DOCK3: variants seen among roughly 807,000 people sequenced by gnomAD.
DOCK3 encodes the protein dedicator of cytokinesis protein 3.
A neutral mutation model predicts 265.6 loss-of-function variants in DOCK3; 60 were observed. The observed-to-expected ratio is 0.23, with a 90% CI of 0.18 to 0.28. The LOEUF (loss-of-function observed/expected upper bound fraction) is 0.28, where lower values mean the gene tolerates loss of function less well. Ranked by LOEUF, DOCK3 falls within the 10% of genes least tolerant of loss-of-function variation. The pLI, the probability that DOCK3 is intolerant of heterozygous loss-of-function variation, is 1.00. For synonymous variants in DOCK3, 881 were observed against 938.0 expected (o/e 0.94, Z 1.11); for missense variants, 1,981 against 2,594.3 (o/e 0.76, Z 5.14).
chr3:51,381,542 G>A lies in DOCK3; in HGVS notation c.6076G>A (p.Gly2026Ser), dbSNP rs372701055. The stretch of plus-strand genomic sequence containing the variant: ...GCAGGCCCGCATGGCCTGGGAGCAC[G>A]GCCGAGGGGAGCAGTGAGGGGCAAC... ...EEQARMAWEHGRGEQ is the reference protein window; with the variant it reads ...EEQARMAWEHSRGEQ Residue 2026 changes from glycine to serine, a missense_variant, in exon 53 of 53, where the codon GGC becomes AGC. This residue lies in a region of DOCK3 where 149 missense variants were observed against 144.7 expected (regional missense o/e 1.03). Coordinates refer to ENST00000266037, the MANE Select transcript of DOCK3 (RefSeq NM_004947.5). This position sits in a 1 kb window ranked among gnomAD's most constrained non-coding sequence, Gnocchi z 5.6. 4.0e-5 allele frequency: 61 copies of A among 1,538,618 alleles called. No homozygotes were observed. The highest frequency in any genetic ancestry group is 2.2e-4 in the Middle Eastern group (1 of 4,540).
chr3:51,227,377 T>C lies in DOCK3; in HGVS notation c.1472T>C (p.Ile491Thr). 6.2e-7 allele frequency: 1 copy of C among 1,613,986 alleles called. No homozygotes were observed. ...AATAGTCCTCGCTGGGGAGAAATTA[T>C]CAAATTGCCTATCCCCATTGACCGG... ...HSNSPRWGEI[I>T]KLPIPIDRFR... The change falls in exon 16 of 53, where the codon ATC becomes ACC. Residue 491 changes from isoleucine (I) to threonine (T), a missense_variant. Physicochemically the swap from Ile to Thr is moderately conservative, Grantham distance 89 (BLOSUM62 -1). Around this residue, in one of 4 missense-constraint regions of DOCK3, gnomAD observed 1,357 missense variants for 1,866.8 expected, o/e 0.73. Coordinates refer to ENST00000266037, the MANE Select transcript of DOCK3 (RefSeq NM_004947.5).
At chr3:50,824,619 C>T (rs950127720) in intron 2 of DOCK3, among the ~76,000 whole-genome samples, 1 of 152,014 alleles carries the variant, frequency 6.6e-6, no homozygotes, top group African/African-American at 2.4e-5. Flanking sequence ...CCTAGTGTAC[C>T]TTTTTCTGGA....
At chr3:50,916,419 G>C (rs935243573) in intron 4 of DOCK3, among the ~76,000 whole-genome samples, 3 of 152,008 alleles carry the variant, frequency 2.0e-5, no homozygotes, top group African/African-American at 7.3e-5. Context: ...AGATGGGCCC[G>C]ATGCTTCCTT....
intron 6 of DOCK3, among the ~76,000 whole-genome samples, chr3:51,074,986 A>G (rs1402698266): frequency 6.6e-6 from 1 of 152,232 alleles, no homozygotes; most frequent in Non-Finnish European, 1.5e-5. Context: ...TAATGAAACT[A>G]ATGCATAACT....
intron 5 of DOCK3, among the ~76,000 whole-genome samples, chr3:50,981,147 T>G (rs1313992977): frequency 6.6e-6 from 1 of 152,206 alleles, no homozygotes; most frequent in African/African-American, 2.4e-5. Flanking sequence ...TTAGGTATAG[T>G]GTATTTTAAT....
At chr3:51,069,528 GTGTGTGTATATATGTGTGTATATA>G (rs576510068) in intron 6 of DOCK3, among the ~76,000 whole-genome samples, 2 of 151,648 alleles carry the variant, frequency 1.3e-5, no homozygotes, top group African/African-American at 4.8e-5. Context: ...TCATACATAT[GTGTGTGTATATATGTGTGTATATA>G]TGTGTGTATA....
chr3:50,857,848 A>G (rs369535687), intron 3 of DOCK3, among the ~76,000 whole-genome samples: 1 of 152,262 alleles, frequency 6.6e-6, no homozygotes, highest in Non-Finnish European at 1.5e-5. Flanking sequence ...AACTAGTTCA[A>G]CCATTGTGGA....
intron 5 of DOCK3, among the ~76,000 whole-genome samples, chr3:50,957,384 A>C (rs371791191): frequency 1.3e-5 from 2 of 152,320 alleles, no homozygotes; most frequent in South Asian, 2.1e-4. Flanking sequence ...ATTAGATTTC[A>C]TTTCTAATTA....
At chr3:50,786,987 G>T in intron 2 of DOCK3, 2 of 741,132 alleles carry the variant, frequency 2.7e-6, no homozygotes, top group South Asian at 2.7e-5. Context: ...ATGTGTTTTC[G>T]CACATGAGCC....
intron 27 of DOCK3, among the ~76,000 whole-genome samples, chr3:51,304,760 G>A (rs2082560812): frequency 6.6e-6 from 1 of 152,190 alleles, no homozygotes; most frequent in Admixed American, 6.5e-5. Context: ...GCACCACCCT[G>A]CTTTTCCTCA....
At chr3:51,223,914 C>T (rs535064558) in intron 14 of DOCK3, among the ~76,000 whole-genome samples, 1 of 152,290 alleles carries the variant, frequency 6.6e-6, no homozygotes, top group Admixed American at 6.5e-5. Context: ...CTACCCTGTA[C>T]ACCTGAGTGC....
At chr3:51,130,053 C>T (rs535679483) in intron 9 of DOCK3, among the ~76,000 whole-genome samples, 42 of 152,344 alleles carry the variant, frequency 2.8e-4, no homozygotes, top group African/African-American at 1.0e-3. Flanking sequence ...ACTTATACTT[C>T]ACCTTAGAAG....
chr3:51,381,716 A>AT lies in DOCK3; in HGVS notation c.*158dup. On this transcript the variant is annotated 3_prime_UTR_variant, in exon 53 of 53. Coordinates refer to ENST00000266037, the MANE Select transcript of DOCK3 (RefSeq NM_004947.5). The surrounding 1 kb of genome is among the most constrained non-coding windows in gnomAD (Gnocchi z 5.6). ...GTCTCCGTTCTACTGCCGTGAACTC[A>AT]TGTGTTGCCATGTACAGAGGCCACA... 1 of 1,005,264 alleles carries AT rather than the reference A, an allele frequency of 9.9e-7. No homozygotes were observed. The highest frequency in any genetic ancestry group is 2.7e-5 in the East Asian group (1 of 37,426). The allele number at this position is 1,005,264 out of a possible 1,614,324, so 62.3% of individuals were successfully genotyped here.
intron 6 of DOCK3, among the ~76,000 whole-genome samples, chr3:51,066,346 G>A (rs76484104): frequency 0.019 from 2,905 of 152,170 alleles, 106 homozygotes; most frequent in African/African-American, 0.066. Flanking sequence ...TCACAACGAG[G>A]CACATTAAGA....
intron 1 of DOCK3, among the ~76,000 whole-genome samples, chr3:50,693,737 A>G (rs2035417358): frequency 6.6e-6 from 1 of 151,184 alleles, no homozygotes; most frequent in Non-Finnish European, 1.5e-5. Context: ...GGGTTTCACC[A>G]TGTTGGCCAG....
intron 7 of DOCK3, among the ~76,000 whole-genome samples, chr3:51,087,899 A>G (rs1247494670): frequency 6.6e-6 from 1 of 152,144 alleles, no homozygotes; most frequent in African/African-American, 2.4e-5. Context: ...ACTACTGGAT[A>G]TTTATCAAAA....
intron 12 of DOCK3, among the ~76,000 whole-genome samples, chr3:51,188,413 C>T (rs150294915): frequency 2.0e-5 from 3 of 152,230 alleles, no homozygotes; most frequent in East Asian, 1.9e-4. Context: ...TGAGGGATTT[C>T]GTTACATGTA....
chr3:51,262,555 G>A (rs962545654), intron 23 of DOCK3, among the ~76,000 whole-genome samples: 3 of 152,174 alleles, frequency 2.0e-5, no homozygotes, highest in African/African-American at 7.2e-5. Context: ...AACAAACCTG[G>A]ACAGAGAATG....
chr3:51,362,691 G>T lies in DOCK3; in HGVS notation c.5293+17G>T. On this transcript the variant is annotated intron_variant, in intron 49 of 52. Transcript: ENST00000266037. ...GTGCCCGAGGTAAGGATGGCAGGGT[G>T]CTACTTGCAGAATGGAGAAGAGAGG... 6.2e-7 allele frequency: 1 copy of T among 1,610,618 alleles called. No individual in the cohort carries two copies. Among genetic ancestry groups the T allele is most frequent in the Non-Finnish European group, 8.5e-7 (1 of 1,178,468 alleles).
Sources: gnomAD v4.1 joint callset for allele counts (sites outside exome capture counted in the v4.1 genomes callset) on GRCh38, gnomAD v4.1.1 for gene constraint, gnomAD v4.1.1 regional missense constraint, Gnocchi (gnomAD v3.1) non-coding constraint, MANE v1.5 for transcripts, NCBI Gene and HGNC (gene_info 2026-07-23, HGNC 2026-07-21) for gene names.